TRPM3: variants seen among roughly 807,000 people sequenced by gnomAD.
TRPM3 encodes long transient receptor potential channel 3.
A neutral mutation model predicts 181.2 loss-of-function variants in TRPM3; 77 were observed. The ratio of observed to expected loss-of-function variants is 0.42; its 90% CI spans 0.35 to 0.51. The LOEUF is 0.51. TRPM3 is among the 20% of genes least tolerant of loss of function. The pLI is 0.01. For synonymous variants in TRPM3, 745 were observed against 796.4 expected, an observed-to-expected ratio of 0.94 and a Z score of 1.09; for missense variants, 1,759 against 2,196.7, an observed-to-expected ratio of 0.80 and a Z score of 3.98.
At chr9:71,198,745 T>A (rs2078570056) in intron 1 of TRPM3, among the ~76,000 whole-genome samples, 1 of 151,110 alleles carries the variant, frequency 6.6e-6, no homozygotes, top group African/African-American at 2.4e-5. Context: ...TTTGCTGAAG[T>A]TGCTTATCAG....
At chr9:70,782,398 G>C (rs2130817900) in intron 7 of TRPM3, among the ~76,000 whole-genome samples, 1 of 152,168 alleles carries the variant, frequency 6.6e-6, no homozygotes, top group Non-Finnish European at 1.5e-5. Flanking sequence ...TTTTAGTAGA[G>C]ATGGGGTTTC....
At chr9:70,990,235 G>A (rs754835117) in intron 1 of TRPM3, among the ~76,000 whole-genome samples, 3 of 152,082 alleles carry the variant, frequency 2.0e-5, no homozygotes, top group East Asian at 1.9e-4. Context: ...CAGGGCCCTC[G>A]TGTCAAAGAA....
chr9:70,744,817 C>T (rs574830653), intron 8 of TRPM3, among the ~76,000 whole-genome samples: 85 of 152,086 alleles, frequency 5.6e-4, no homozygotes, highest in African/African-American at 1.8e-3. Context: ...CCTACTTTAC[C>T]GTCATTTTAA....
At chr9:71,291,061 A>C (rs1464573471) in intron 1 of TRPM3, among the ~76,000 whole-genome samples, 1 of 152,198 alleles carries the variant, frequency 6.6e-6, no homozygotes, top group East Asian at 1.9e-4. Context: ...AGACACAAAC[A>C]TTTAAAAGAG....
intron 6 of TRPM3, 51 bp downstream of exon 6, chr9:70,827,796 C>T (rs1271924898): frequency 6.3e-7 from 1 of 1,587,036 alleles, no homozygotes; most frequent in South Asian, 1.2e-5. Flanking sequence ...AAGTTATTCA[C>T]TTTCAGCATA....
At chr9:71,437,915 C>T (rs1563931855) in intron 1 of TRPM3, among the ~76,000 whole-genome samples, 1 of 151,562 alleles carries the variant, frequency 6.6e-6, no homozygotes, top group South Asian at 2.1e-4. Context: ...CTATTTGGCT[C>T]TTTGAAGAAA....
intron 5 of TRPM3, among the ~76,000 whole-genome samples, chr9:70,831,524 G>A (rs1564494148): frequency 6.6e-6 from 1 of 151,746 alleles, no homozygotes; most frequent in Non-Finnish European, 1.5e-5. Flanking sequence ...CTACTGCCCC[G>A]CAGCATCCAT....
intron 8 of TRPM3, among the ~76,000 whole-genome samples, chr9:70,759,853 G>T (rs947628590): frequency 4.6e-5 from 7 of 152,096 alleles, no homozygotes; most frequent in Non-Finnish European, 1.0e-4. Flanking sequence ...GGCTAGGGGA[G>T]GGATAGCATT....
chr9:70,557,808 C>T (rs2048093769), intron 22 of TRPM3, among the ~76,000 whole-genome samples: 1 of 152,294 alleles, frequency 6.6e-6, no homozygotes, highest in South Asian at 2.1e-4. Flanking sequence ...ATGGTCAGTA[C>T]CACCTCCATA....
At chr9:70,595,888 G>A (rs1196201268) in intron 21 of TRPM3, among the ~76,000 whole-genome samples, 1 of 152,258 alleles carries the variant, frequency 6.6e-6, no homozygotes, top group Non-Finnish European at 1.5e-5. Context: ...TCCGTTTTGG[G>A]TAAGTAACTC....
At chr9:70,698,634 A>T (rs10124821) in intron 8 of TRPM3, among the ~76,000 whole-genome samples, 93 of 152,032 alleles carry the variant, frequency 6.1e-4, no homozygotes, top group Non-Finnish European at 1.1e-3. Context: ...TGTCCCCACC[A>T]AAATCTCATG....
At chr9:71,307,098 T>C (rs1029467313) in intron 1 of TRPM3, among the ~76,000 whole-genome samples, 1 of 152,244 alleles carries the variant, frequency 6.6e-6, no homozygotes, top group South Asian at 2.1e-4. Context: ...TTCATTTGAA[T>C]TCCTTCTTAA....
intron 1 of TRPM3, among the ~76,000 whole-genome samples, chr9:71,101,541 AG>A (rs2068386036): frequency 6.6e-6 from 1 of 152,184 alleles, no homozygotes; most frequent in Non-Finnish European, 1.5e-5. Flanking sequence ...CCAAGGATTT[AG>A]TTCAAACTCA....
intron 1 of TRPM3, among the ~76,000 whole-genome samples, chr9:71,446,342 C>A (rs1223301153): frequency 6.6e-6 from 1 of 152,184 alleles, no homozygotes; most frequent in African/African-American, 2.4e-5. Flanking sequence ...ATACACTCGA[C>A]AACGTCTCAC....
intron 9 of TRPM3, among the ~76,000 whole-genome samples, chr9:70,655,305 CA>C (rs1169901529): frequency 0.021 from 711 of 33,146 alleles, 2 homozygotes; most frequent in African/African-American, 0.058. Context: ...GACTCCGTCT[CA>C]AAAAAAAAAA....
chr9:70,971,199 T>C (rs1462110627), intron 1 of TRPM3, among the ~76,000 whole-genome samples: 3 of 152,154 alleles, frequency 2.0e-5, no homozygotes, highest in South Asian at 4.1e-4. Context: ...TAATAAAAAA[T>C]CCAAAGTTTT....
At chr9:71,303,505 A>G (rs1467807967) in intron 1 of TRPM3, among the ~76,000 whole-genome samples, 1 of 152,212 alleles carries the variant, frequency 6.6e-6, no homozygotes, top group Non-Finnish European at 1.5e-5. Flanking sequence ...CAGAGTGACT[A>G]AGGTAAAATA....
intron 1 of TRPM3, among the ~76,000 whole-genome samples, chr9:70,940,323 T>C (rs2096873385): frequency 6.6e-6 from 1 of 152,256 alleles, no homozygotes; most frequent in African/African-American, 2.4e-5. Context: ...ATTTGAGCTT[T>C]TGTTCTTCAT....
intron 1 of TRPM3, among the ~76,000 whole-genome samples, chr9:71,207,090 A>G (rs914768769): frequency 1.3e-5 from 2 of 152,086 alleles, no homozygotes; most frequent in Non-Finnish European, 2.9e-5. Context: ...GTTTATCACA[A>G]TGTTATACAT....
Sources: gnomAD v4.1 joint callset for allele counts (sites outside exome capture counted in the v4.1 genomes callset) on GRCh38, gnomAD v4.1.1 for gene constraint, MANE v1.5 for transcripts, NCBI Gene and HGNC (gene_info 2026-07-23, HGNC 2026-07-21) for gene names.